The following MYO16 variants were observed in gnomAD, a reference collection of about 807,000 sequenced individuals.
MYO16 encodes the protein unconventional myosin-XVI.
Under a neutral mutation model 205.3 loss-of-function variants are expected in MYO16, and 94 were observed. The ratio of observed to expected loss-of-function variants is 0.46; its 90% CI spans 0.39 to 0.54. MYO16 has a LOEUF of 0.54. Among genes scored for constraint, MYO16 ranks in the 20% least tolerant of loss-of-function variants. The pLI is 0.00. For synonymous variants in MYO16, 988 were observed against 954.0 expected, an observed-to-expected ratio of 1.04 and a Z score of -0.66; for missense variants, 2,315 against 2,387.5, an observed-to-expected ratio of 0.97 and a Z score of 0.63.
intron 15 of MYO16, among the ~76,000 whole-genome samples, chr13:108,906,106 A>G (rs1384974989): frequency 6.6e-6 from 1 of 152,134 alleles, no homozygotes; most frequent in Non-Finnish European, 1.5e-5. Context: ...TCCCATGAAT[A>G]TTCAGTATGT....
the MYO16 span, among the ~76,000 whole-genome samples, chr13:108,577,722 G>T: frequency 6.6e-6 from 1 of 152,176 alleles, no homozygotes; most frequent in African/African-American, 2.4e-5. Flanking sequence ...CATACTTATA[G>T]TCCCATTTAC....
chr13:108,909,863 C>A, intron 15 of MYO16, 140 bp from the exon 16 acceptor site: 1 of 911,642 alleles, frequency 1.1e-6, no homozygotes, highest in Non-Finnish European at 1.6e-6. Context: ...TGCAAAAAGA[C>A]AATAAAATAA....
the MYO16 span, among the ~76,000 whole-genome samples, chr13:108,506,983 C>G: frequency 1.3e-5 from 2 of 152,046 alleles, no homozygotes; most frequent in African/African-American, 4.8e-5. Flanking sequence ...TGATGTTTTA[C>G]ACTGATTTAT....
At chr13:109,040,347 C>T (rs555466337) in intron 23 of MYO16, among the ~76,000 whole-genome samples, 3 of 149,558 alleles carry the variant, frequency 2.0e-5, no homozygotes, top group Middle Eastern at 3.4e-3. Flanking sequence ...ACCAAAACCA[C>T]ACAGACAGTA....
chr13:109,020,426 C>T (rs1312752023), intron 23 of MYO16, among the ~76,000 whole-genome samples: 2 of 152,134 alleles, frequency 1.3e-5, no homozygotes, highest in East Asian at 1.9e-4. Flanking sequence ...TGATCATTCT[C>T]CTTAGTCCAG....
the MYO16 span, among the ~76,000 whole-genome samples, chr13:108,505,629 T>C: frequency 4.6e-5 from 7 of 152,306 alleles, no homozygotes; most frequent in Admixed American, 2.0e-4. Context: ...ATATGCTTTT[T>C]TTAGTCTTTT....
intron 15 of MYO16, 63 bp downstream of exon 15, chr13:108,898,196 A>G (rs895825404): frequency 1.6e-6 from 2 of 1,266,144 alleles, no homozygotes; most frequent in Non-Finnish European, 2.3e-6. Context: ...CACGTCACAC[A>G]CAGGCACGCT....
intron 1 of MYO16, among the ~76,000 whole-genome samples, chr13:108,611,380 T>G (rs763817565): frequency 1.3e-5 from 2 of 152,194 alleles, no homozygotes; most frequent in African/African-American, 2.4e-5. Flanking sequence ...AAAAAGGAAT[T>G]AATTTGGAAC....
chr13:108,571,612 A>G, the MYO16 span, among the ~76,000 whole-genome samples: 1 of 152,148 alleles, frequency 6.6e-6, no homozygotes, highest in South Asian at 2.1e-4. Context: ...GAAAGAAGCC[A>G]TGTGAGCAGG....
chr13:108,675,865 T>C (rs921814551), intron 2 of MYO16, among the ~76,000 whole-genome samples: 22 of 152,194 alleles, frequency 1.4e-4, no homozygotes, highest in Non-Finnish European at 1.5e-5. Flanking sequence ...ATCTGTACTC[T>C]GATACTTAAG....
At position 109,022,630 on chromosome 13, in the gene MYO16, T is replaced by TCTATGTC. The variant is rs1886106412; in HGVS notation, c.2796+2719_2796+2720insCTATGTC. On this transcript the variant is annotated intron_variant, in intron 23 of 34. Coordinates refer to ENST00000457511, the MANE Select transcript of MYO16 (RefSeq NM_001198950.3). ...CGCATATAAACATATGTATATATAT[T>TCTATGTC]ATATATATGCATATAAACATATGTA... Among the ~76,000 whole-genome samples, 15 of 131,744 alleles carry TCTATGTC rather than the reference T, an allele frequency of 1.1e-4. 6 individuals are homozygous for TCTATGTC. Among genetic ancestry groups the TCTATGTC allele is most frequent in the African/African-American group, 4.5e-4 (15 of 33,444 alleles). 86.4% of individuals were successfully genotyped at this position (131,744 alleles called of 152,430 possible). A position where few individuals can be genotyped will look rare whatever the true frequency, so the allele number is the denominator to read the frequency against.
intron 1 of MYO16, among the ~76,000 whole-genome samples, chr13:108,641,176 T>C (rs1351417147): frequency 6.6e-6 from 1 of 152,194 alleles, no homozygotes; most frequent in East Asian, 1.9e-4. Context: ...AAGATAAGAA[T>C]GCAAACGGAA....
At chr13:109,119,131 T>C (rs1275419729) in intron 28 of MYO16, among the ~76,000 whole-genome samples, 2 of 152,190 alleles carry the variant, frequency 1.3e-5, no homozygotes, top group African/African-American at 4.8e-5. Context: ...TGGAATAAAC[T>C]CCATTTTCAT....
At chr13:108,695,703 T>G (rs2139505970) in intron 2 of MYO16, among the ~76,000 whole-genome samples, 1 of 152,310 alleles carries the variant, frequency 6.6e-6, no homozygotes, top group South Asian at 2.1e-4. Flanking sequence ...ACTCATTATT[T>G]TAACAGTAAT....
intron 28 of MYO16, among the ~76,000 whole-genome samples, chr13:109,117,448 G>GTA (rs1200544922): frequency 1.4e-5 from 2 of 142,900 alleles, no homozygotes; most frequent in Non-Finnish European, 3.0e-5. Context: ...GTATATATAT[G>GTA]TATATATATG....
intron 1 of MYO16, among the ~76,000 whole-genome samples, chr13:108,630,592 G>T (rs1273917796): frequency 1.3e-5 from 2 of 152,152 alleles, no homozygotes; most frequent in Admixed American, 1.3e-4. Flanking sequence ...TCCAAAAATG[G>T]CTTGCTGGAT....
chr13:109,096,177 A>T (rs1190715276), intron 27 of MYO16, among the ~76,000 whole-genome samples: 3 of 152,076 alleles, frequency 2.0e-5, no homozygotes, highest in Non-Finnish European at 2.9e-5. Flanking sequence ...TTCAACACTG[A>T]GTCTCAGCAG....
At chr13:108,560,020 C>T in the MYO16 span, among the ~76,000 whole-genome samples, 3 of 152,272 alleles carry the variant, frequency 2.0e-5, no homozygotes, top group South Asian at 6.2e-4. Context: ...TCCTAATGGT[C>T]CTGCAAGTGG....
intron 21 of MYO16, among the ~76,000 whole-genome samples, chr13:108,992,735 G>A (rs1594452997): frequency 6.6e-6 from 1 of 152,170 alleles, no homozygotes; most frequent in Non-Finnish European, 1.5e-5. Flanking sequence ...AACTAGGTCA[G>A]AGAGAAGGGA....
Sources: gnomAD v4.1 joint callset for allele counts (sites outside exome capture counted in the v4.1 genomes callset) on GRCh38, gnomAD v4.1.1 for gene constraint, MANE v1.5 for transcripts, NCBI Gene and HGNC (gene_info 2026-07-23, HGNC 2026-07-21) for gene names.